The following DNM3 variants were observed in gnomAD, a reference collection of about 807,000 sequenced individuals.
The protein encoded by DNM3 is dynamin-3.
Under a neutral mutation model 101.6 loss-of-function variants are expected in DNM3, and 47 were observed. The ratio of observed to expected loss-of-function variants is 0.46; its 90% confidence interval spans 0.37 to 0.59. The LOEUF (loss-of-function observed/expected upper bound fraction) is 0.59. DNM3 is among the 20% of genes least tolerant of loss of function. The pLI is 0.00. For synonymous variants in DNM3, 385 were observed against 387.9 expected, an observed-to-expected ratio of 0.99 and a Z score of 0.09; for missense variants, 849 against 1,085.7, an observed-to-expected ratio of 0.78 and a Z score of 3.06.
chr1:172,249,024 A>G (rs1322645277), intron 14 of DNM3, among the ~76,000 whole-genome samples: 1 of 152,194 alleles, frequency 6.6e-6, no homozygotes, highest in Non-Finnish European at 1.5e-5. Context: ...AAGGCTACTC[A>G]AATAATTCAA....
At chr1:172,402,012 C>T (rs554805669) in intron 20 of DNM3, among the ~76,000 whole-genome samples, 26 of 152,224 alleles carry the variant, frequency 1.7e-4, no homozygotes, top group African/African-American at 5.1e-4. Flanking sequence ...TGCTCCAACC[C>T]GATTTATCTT....
In DNM3 at chr1:172,076,604, G is replaced by A. The variant is rs1414981934; in HGVS notation, c.1423-5228G>A. ...GGTTTACGTCATTGATTCTGTTTAT[G>A]TGATGGATTACATTTATTGATTTGC... is the stretch of plus-strand genomic sequence containing the variant. On this transcript the variant is annotated intron_variant, in intron 11 of 20. Transcript: ENST00000627582. Among the ~76,000 whole-genome samples the A allele has an allele frequency of 2.0e-5, 3 of 152,122 alleles. No individual in the cohort carries two copies. The East Asian group carries it at 5.8e-4, about 29-fold the overall frequency.
chr1:172,303,746 T>C (rs926568608), intron 15 of DNM3, among the ~76,000 whole-genome samples: 1 of 152,182 alleles, frequency 6.6e-6, no homozygotes, highest in African/African-American at 2.4e-5. Context: ...AAGAAAAGAA[T>C]TTTCAACCCA....
intron 11 of DNM3, among the ~76,000 whole-genome samples, chr1:172,079,201 C>A (rs1477407214): frequency 2.6e-5 from 4 of 152,154 alleles, no homozygotes; most frequent in African/African-American, 9.7e-5. Flanking sequence ...TGGATAATAT[C>A]CTGAAGAGTG....
chr1:172,103,731 G>A lies in DNM3; in HGVS notation c.1545+10856G>A, dbSNP rs139801093. Among the ~76,000 whole-genome samples the A allele has an allele frequency of 7.3e-3, 1,105 of 152,280 alleles. 14 individuals carry two copies. Among genetic ancestry groups the A allele is most frequent in the African/African-American group, 0.025 (1,044 of 41,534 alleles). On this transcript the variant is annotated intron_variant, in intron 13 of 20. Transcript: ENST00000627582. ...ATTGAAAGTTACAGAGGCCAGGCGC[G>A]GCGGCTCACGCCTGTAATCCCAGCA...
intron 17 of DNM3, among the ~76,000 whole-genome samples, chr1:172,357,049 T>C (rs1322406968): frequency 6.6e-6 from 1 of 151,886 alleles, no homozygotes; most frequent in East Asian, 1.9e-4. Flanking sequence ...AAAATAAGAA[T>C]CCATACTTAC....
Position 172,411,325 on chromosome 1 carries a change from T to C in DNM3, c.*3484T>C, listed in dbSNP as rs891065104. 8.1e-6 allele frequency: 8 copies of C among 985,048 alleles called. 1 individual carries two copies. The African/African-American group carries it at 1.4e-4, about 17-fold the overall frequency. The allele number at this position is 985,048 out of a possible 1,614,324, so 61.0% of individuals were successfully genotyped here. A position where few individuals can be genotyped will look rare whatever the true frequency, so the allele number is the denominator to read the frequency against. Reference sequence around the variant, plus strand: ...AAAGCTCATAATTACCATGACAACATGGTAATGTCCATAGACATTTGTATC... The same window carrying C: ...AAAGCTCATAATTACCATGACAACACGGTAATGTCCATAGACATTTGTATC... On this transcript the variant is annotated 3_prime_UTR_variant, in exon 21 of 21. Transcript: ENST00000627582.
intron 1 of DNM3, among the ~76,000 whole-genome samples, chr1:171,881,266 C>G (rs1018630134): frequency 6.6e-6 from 1 of 151,954 alleles, no homozygotes; most frequent in Non-Finnish European, 1.5e-5. Context: ...AATGATGTGG[C>G]CTTTTTAGGA....
chr1:172,249,910 T>G (rs978878234), intron 14 of DNM3, among the ~76,000 whole-genome samples: 31 of 152,136 alleles, frequency 2.0e-4, no homozygotes, highest in African/African-American at 6.5e-4. Context: ...AGCCAGGGAA[T>G]AATTATAACA....
chr1:171,888,350 C>G (rs528254377), intron 1 of DNM3, among the ~76,000 whole-genome samples: 18 of 151,946 alleles, frequency 1.2e-4, no homozygotes. Context: ...TGTCATTTCC[C>G]CAGAGAACAT....
chr1:171,981,353 G>A (rs1241470842), intron 2 of DNM3, among the ~76,000 whole-genome samples: 5 of 152,152 alleles, frequency 3.3e-5, no homozygotes, highest in South Asian at 2.1e-4. Flanking sequence ...AATAAAGATG[G>A]ACAAGAGATC....
chr1:172,005,305 A>G (rs891550385), intron 4 of DNM3, among the ~76,000 whole-genome samples: 6 of 152,220 alleles, frequency 3.9e-5, no homozygotes, highest in Admixed American at 3.3e-4. Flanking sequence ...CGTAAAAATA[A>G]TTTGTTAAGT....
At chr1:172,271,179 CATT>C (rs1422894114) in intron 15 of DNM3, among the ~76,000 whole-genome samples, 1 of 152,084 alleles carries the variant, frequency 6.6e-6, no homozygotes, top group East Asian at 1.9e-4. Flanking sequence ...GTTGACTTCA[CATT>C]GTTGTTTGAA....
chr1:171,974,214 G>A (rs1331053426), intron 2 of DNM3, among the ~76,000 whole-genome samples: 1 of 152,082 alleles, frequency 6.6e-6, no homozygotes. Context: ...TTCATATGAT[G>A]ACACAATCAG....
At chr1:172,000,101 G>A (rs1029746220) in intron 4 of DNM3, among the ~76,000 whole-genome samples, 2 of 152,096 alleles carry the variant, frequency 1.3e-5, no homozygotes, top group African/African-American at 4.8e-5. Context: ...CTTAGGAGAT[G>A]AGTGTAGGTA....
chr1:172,247,219 C>T (rs2061988098), intron 14 of DNM3, among the ~76,000 whole-genome samples: 1 of 152,022 alleles, frequency 6.6e-6, no homozygotes, highest in Admixed American at 6.6e-5. Context: ...AGAAATGTTC[C>T]ATTCATTGCC....
chr1:172,173,490 CT>C (rs111367945), intron 14 of DNM3, among the ~76,000 whole-genome samples: 30,063 of 141,618 alleles, frequency 0.21, 4,286 homozygotes, highest in African/African-American at 0.42. Flanking sequence ...CAAAAGAGAG[CT>C]TTTTTTTTTT....
chr1:172,242,441 T>G (rs946843514), intron 14 of DNM3, among the ~76,000 whole-genome samples: 1 of 152,104 alleles, frequency 6.6e-6, no homozygotes, highest in Non-Finnish European at 1.5e-5. Flanking sequence ...ACAATTGTCT[T>G]GTGTACTTCT....
chr1:172,332,520 G>A (rs961706684), intron 17 of DNM3, among the ~76,000 whole-genome samples: 2 of 152,134 alleles, frequency 1.3e-5, no homozygotes. Context: ...CTGTTCTCCA[G>A]GCTGGTCTCG....
Sources: gnomAD v4.1 joint callset for allele counts (sites outside exome capture counted in the v4.1 genomes callset) on GRCh38, gnomAD v4.1.1 for gene constraint, MANE v1.5 for transcripts, NCBI Gene and HGNC (gene_info 2026-07-23, HGNC 2026-07-21) for gene names.